The following R3HCC1L variants were observed in gnomAD, a reference collection of about 807,000 sequenced individuals.
R3HCC1L encodes coiled-coil domain-containing protein R3HCC1L.
In R3HCC1L, 51 loss-of-function variants were observed where a neutral mutation model predicts 59.9. The observed-to-expected ratio is 0.85, with a 90% confidence interval of 0.68 to 1.07. R3HCC1L has a LOEUF of 1.07. R3HCC1L is among the 50% of genes least tolerant of loss of function. The pLI is 0.00. For missense variants in R3HCC1L, 965 were observed against 933.0 expected, an observed-to-expected ratio of 1.03 and a Z score of -0.45; for synonymous variants, 322 against 315.2, an observed-to-expected ratio of 1.02 and a Z score of -0.23.
chr10:98,242,703 C>G (rs188931595), intron 9 of R3HCC1L, among the ~76,000 whole-genome samples: 15 of 152,276 alleles, frequency 9.9e-5, no homozygotes, highest in Non-Finnish European at 1.9e-4. Context: ...AATTGGAGTT[C>G]TAATAATTTA....
chr10:98,197,918 G>T (rs1851618307), intron 4 of R3HCC1L, among the ~76,000 whole-genome samples: 1 of 152,144 alleles, frequency 6.6e-6, no homozygotes, highest in South Asian at 2.1e-4. Flanking sequence ...AGGAAGTTTT[G>T]AGGGTGGTAA....
chr10:98,212,755 A>G (rs1237778661), intron 5 of R3HCC1L, among the ~76,000 whole-genome samples: 2 of 152,168 alleles, frequency 1.3e-5, no homozygotes, highest in African/African-American at 4.8e-5. Context: ...AGGAGGATTA[A>G]TGGGATACCA....
At chr10:98,160,727 T>C (rs912738500) in intron 2 of R3HCC1L, among the ~76,000 whole-genome samples, 2 of 152,196 alleles carry the variant, frequency 1.3e-5, no homozygotes, top group African/African-American at 4.8e-5. Context: ...TTTCCAAAAG[T>C]CAGAACTCTA....
rs370397099 is a variant in R3HCC1L at position 98,208,957 on chromosome 10, C to T, written c.843C>T (p.Cys281=). 7.7e-5 allele frequency: 124 copies of T among 1,613,928 alleles called. No individual in the cohort carries two copies. The African/African-American group carries it at 1.2e-3, about 16-fold the overall frequency. Residue 281 remains cysteine, a synonymous_variant, in exon 5 of 10, where the codon TGC becomes TGT. Transcript: ENST00000298999. ...CAGATGGTGTCTTTGATCAAACTTGCGTAGATTTTGAAGTTGAGAGTGTAG... is the reference window on the plus strand; with the variant it reads ...CAGATGGTGTCTTTGATCAAACTTGTGTAGATTTTGAAGTTGAGAGTGTAG... ...GSPDGVFDQT[C]VDFEVESVGG... is the part of the protein sequence containing the mutation.
chr10:98,220,669 T>G (rs1425396389), intron 5 of R3HCC1L, among the ~76,000 whole-genome samples: 47 of 150,286 alleles, frequency 3.1e-4, no homozygotes, highest in Admixed American at 1.6e-3. Flanking sequence ...GAGAATGATG[T>G]TTTCCAATTT....
At position 98,231,625 on chromosome 10, in the gene R3HCC1L, A is replaced by C; in HGVS notation, c.1899A>C (p.Glu633Asp). 6.2e-7 allele frequency: 1 copy of C among 1,612,624 alleles called. No homozygotes were observed. The highest frequency in any genetic ancestry group is 8.5e-7 in the Non-Finnish European group (1 of 1,178,950). ...ATTGTGAATTCCCACATGTCATTGA[A>C]ATTTATGACTTTCCCCAAGAATTTC... is the stretch of plus-strand genomic sequence containing the variant. ...LSDCEFPHVI[E>D]IYDFPQEFHT... Residue 633 changes from glutamate (E) to aspartate (D), a missense_variant, in exon 6 of 10, where the codon GAA becomes GAC. Physicochemically the swap from Glu to Asp is conservative, Grantham distance 45. Transcript: ENST00000298999.
rs1306463411 is a variant in R3HCC1L at position 98,208,331 on chromosome 10, A to G, written c.217A>G (p.Ile73Val). ...KDKPEARRLNINPDRKEHNCR... is the reference protein window; with the variant it reads ...KDKPEARRLNVNPDRKEHNCR... ...CAAACCGGAGGCTCGAAGACTAAAT[A>G]TCAATCCTGATAGAAAGGAGCATAA... is the stretch of plus-strand genomic sequence containing the variant. Residue 73 changes from isoleucine (I) to valine (V), a missense_variant, in exon 5 of 10, where the codon ATC becomes GTC. By Grantham distance (29) the Ile-to-Val change is conservative. Transcript: ENST00000298999. 2 of 1,614,088 alleles carry G rather than the reference A, an allele frequency of 1.2e-6. No homozygotes were observed. Among genetic ancestry groups the G allele is most frequent in the South Asian group, 1.1e-5 (1 of 91,092 alleles).
chr10:98,163,412 C>T lies in R3HCC1L; in HGVS notation c.-15+15C>T, dbSNP rs1037381184. On this transcript the variant is annotated intron_variant, in intron 4 of 9. Transcript: ENST00000298999. Reference sequence around the variant, plus strand: ...TTACTTACATGGTAAGTTGCCTTTACTTATGCATATTTTATAGAAATACTG... The same window carrying T: ...TTACTTACATGGTAAGTTGCCTTTATTTATGCATATTTTATAGAAATACTG... The T allele has an allele frequency of 3.1e-6, 4 of 1,294,672 alleles. No homozygotes were observed. The African/African-American group carries it at 4.5e-5, about 15-fold the overall frequency. The allele number at this position is 1,294,672 out of a possible 1,614,324, so 80.2% of individuals were successfully genotyped here.
chr10:98,161,374 C>T (rs922373502), intron 2 of R3HCC1L, among the ~76,000 whole-genome samples: 1 of 152,030 alleles, frequency 6.6e-6, no homozygotes, highest in Non-Finnish European at 1.5e-5. Flanking sequence ...GGTCCCCTCC[C>T]CTTTCTCAGT....
intron 4 of R3HCC1L, among the ~76,000 whole-genome samples, chr10:98,206,010 G>A (rs1001137197): frequency 6.6e-6 from 1 of 152,126 alleles, no homozygotes; most frequent in Non-Finnish European, 1.5e-5. Flanking sequence ...ATTGGTTCTG[G>A]TACTGACTTC....
chr10:98,201,650 C>T (rs1852058367), intron 4 of R3HCC1L, among the ~76,000 whole-genome samples: 1 of 152,146 alleles, frequency 6.6e-6, no homozygotes, highest in Admixed American at 6.5e-5. Flanking sequence ...TGCATTTGAA[C>T]ACCAAACTTA....
intron 4 of R3HCC1L, among the ~76,000 whole-genome samples, chr10:98,201,901 T>TA (rs1376527495): frequency 2.8e-5 from 4 of 140,718 alleles, no homozygotes; most frequent in African/African-American, 1.0e-4. Flanking sequence ...TTTTTTTTTT[T>TA]AAAGAGACGG....
At chr10:98,189,510 T>C (rs965482992) in intron 4 of R3HCC1L, among the ~76,000 whole-genome samples, 50 of 152,182 alleles carry the variant, frequency 3.3e-4, no homozygotes, top group African/African-American at 1.1e-3. Context: ...AGTTCAGATA[T>C]GTTAAAGAGA....
At chr10:98,184,187 G>C (rs1221515048) in intron 4 of R3HCC1L, among the ~76,000 whole-genome samples, 1 of 152,096 alleles carries the variant, frequency 6.6e-6, no homozygotes, top group Non-Finnish European at 1.5e-5. Flanking sequence ...GTTTGTCAGA[G>C]AGTTTTTCTT....
rs1025825621 is a variant in R3HCC1L, at chr10:98,235,516, T to C, written c.2124T>C (p.Tyr708=). ...TRAAKAKARA[Y]AEFLQPAKER... ...CAGCCAAGGCCAAAGCTAGAGCTTATGCTGGTGAGTCTATAATCTCTGGGT... is the reference window on the plus strand; with the variant it reads ...CAGCCAAGGCCAAAGCTAGAGCTTACGCTGGTGAGTCTATAATCTCTGGGT... Residue 708 remains tyrosine (Y), a synonymous_variant, in exon 8 of 10, where the codon TAT becomes TAC. Transcript: ENST00000298999. The C allele has an allele frequency of 2.5e-6, 4 of 1,609,060 alleles. No homozygotes were observed. Among genetic ancestry groups the C allele is most frequent in the Non-Finnish European group, 8.5e-7 (1 of 1,177,078 alleles).
intron 1 of R3HCC1L, among the ~76,000 whole-genome samples, chr10:98,135,206 T>G (rs949064872): frequency 1.3e-5 from 2 of 152,222 alleles, no homozygotes; most frequent in African/African-American, 4.8e-5. Context: ...CTGCTTTTTC[T>G]TGGCAGGCCT....
At chr10:98,191,234 C>A (rs1042874326) in intron 4 of R3HCC1L, among the ~76,000 whole-genome samples, 7 of 152,192 alleles carry the variant, frequency 4.6e-5, no homozygotes, top group Admixed American at 2.0e-4. Context: ...GCCACACTGT[C>A]TTCCACAATG....
At chr10:98,152,603 G>T (rs1156689695) in intron 1 of R3HCC1L, among the ~76,000 whole-genome samples, 1 of 126,332 alleles carries the variant, frequency 7.9e-6, no homozygotes, top group Non-Finnish European at 1.8e-5. Context: ...CTGCCCAGCC[G>T]CCCATAGTCT....
At chr10:98,168,490 GT>G (rs910694286) in intron 4 of R3HCC1L, among the ~76,000 whole-genome samples, 1 of 152,162 alleles carries the variant, frequency 6.6e-6, no homozygotes, top group Non-Finnish European at 1.5e-5. Context: ...TTTCATGCCA[GT>G]TTATTTATAT....
Sources: allele counts gnomAD v4.1 joint callset (sites outside exome capture counted in the v4.1 genomes callset), GRCh38; gene constraint gnomAD v4.1.1; transcripts MANE v1.5; gene names NCBI Gene and HGNC (gene_info 2026-07-23, HGNC 2026-07-21).